Variants in ZPBP observed in about 807,000 individuals in gnomAD.
ZPBP encodes zona pellucida binding protein.
Under a neutral mutation model 44.8 loss-of-function variants are expected in ZPBP, and 26 were observed. That is an observed-to-expected ratio of 0.58 (90% confidence interval 0.43 to 0.81). ZPBP has a LOEUF of 0.81. Among genes scored for constraint, ZPBP ranks in the 30% least tolerant of loss-of-function variants. The pLI is 0.00. For synonymous variants in ZPBP, 174 were observed against 153.2 expected, an observed-to-expected ratio of 1.14 and a Z score of -1.00; for missense variants, 409 against 434.0, an observed-to-expected ratio of 0.94 and a Z score of 0.51.
chr7:49,973,808 C>T (rs1467133280), intron 7 of ZPBP, among the ~76,000 whole-genome samples: 1 of 152,032 alleles, frequency 6.6e-6, no homozygotes, highest in Admixed American at 6.6e-5. Flanking sequence ...TTCAGTAATT[C>T]CACTCCTAGG....
intron 7 of ZPBP, among the ~76,000 whole-genome samples, chr7:49,981,341 T>TA (rs1796881617): frequency 3.6e-5 from 1 of 27,824 alleles, no homozygotes; most frequent in Non-Finnish European, 5.7e-5. Flanking sequence ...TAATTATATA[T>TA]ATTATATAAT....
At chr7:49,960,020 T>A (rs991431982) in intron 7 of ZPBP, among the ~76,000 whole-genome samples, 1 of 152,242 alleles carries the variant, frequency 6.6e-6, no homozygotes, top group East Asian at 1.9e-4. Flanking sequence ...CATTAAGATA[T>A]GATATCTTTA....
chr7:49,956,426 A>T lies in ZPBP; in HGVS notation c.962-18804T>A, dbSNP rs182724589. Among the ~76,000 whole-genome samples the T allele has an allele frequency of 4.9e-4, 75 of 152,210 alleles. 1 individual carries two copies. Among genetic ancestry groups the T allele is most frequent in the African/African-American group, 1.6e-3 (67 of 41,586 alleles). On this transcript the variant is annotated intron_variant, in intron 7 of 7. Transcript: ENST00000046087. ...TCTATTTTTTGAAAAGTCTCCTAAA[A>T]TATGTAAATGTAGCAAAGTAGTAGT...
In ZPBP at chr7:50,093,093, G is replaced by A. The variant is rs761504809; in HGVS notation, c.102C>T (p.Ala34=). The change falls in exon 1 of 8, where the codon GCC becomes GCT. Residue 34 remains alanine (A), a synonymous_variant. Transcript: ENST00000046087. Reference sequence around the variant, plus strand: ...CTGATGAGGGCACCCGCACCAGGAAGGCGGAGATAAAGAGGAGGATGGCGG... The same window carrying A: ...CTGATGAGGGCACCCGCACCAGGAAAGCGGAGATAAAGAGGAGGATGGCGG... ...SRAAILLFIS[A]FLVRVPSSVG... is the part of the protein sequence containing the mutation. 6.9e-6 allele frequency: 11 copies of A among 1,600,368 alleles called. No homozygotes were observed. Among genetic ancestry groups the A allele is most frequent in the African/African-American group, 5.4e-5 (4 of 74,346 alleles).
At chr7:50,006,880 A>G (rs1798335022) in intron 6 of ZPBP, among the ~76,000 whole-genome samples, 1 of 152,050 alleles carries the variant, frequency 6.6e-6, no homozygotes, top group South Asian at 2.1e-4. Flanking sequence ...ATTTTACAGA[A>G]AGTAAAAAAA....
chr7:49,964,256 C>A (rs1795975481), intron 7 of ZPBP, among the ~76,000 whole-genome samples: 2 of 151,820 alleles, frequency 1.3e-5, no homozygotes, highest in African/African-American at 4.8e-5. Context: ...GCTATTCTCA[C>A]AATTTATATT....
Position 49,944,846 on chromosome 7 carries a change from T to TCA in ZPBP, c.962-7225_962-7224insTG, listed in dbSNP as rs1554350826. Among the ~76,000 whole-genome samples the TCA allele has an allele frequency of 5.3e-5, 8 of 151,134 alleles. No individual in the cohort carries two copies. The East Asian group carries it at 1.6e-3, about 30-fold the overall frequency. ...ATTTCATTGATTTTTGTATTTTTTT[T>TCA]ATTTCATTTATTTCTGCTCTGATCT... On this transcript the variant is annotated intron_variant, in intron 7 of 7. Transcript: ENST00000046087.
chr7:50,092,267 A>C (rs934120808), intron 1 of ZPBP, among the ~76,000 whole-genome samples: 9 of 152,214 alleles, frequency 5.9e-5, no homozygotes, highest in African/African-American at 1.9e-4. Flanking sequence ...ATAGAAGAAT[A>C]ATCTTTGGAT....
intron 6 of ZPBP, among the ~76,000 whole-genome samples, chr7:49,986,685 C>A (rs1054793831): frequency 6.6e-6 from 1 of 151,904 alleles, no homozygotes; most frequent in Non-Finnish European, 1.5e-5. Context: ...ATGCAAAAGG[C>A]TTTTTTCCTT....
At chr7:49,946,366 T>C (rs138047037) in intron 7 of ZPBP, among the ~76,000 whole-genome samples, 4 of 152,312 alleles carry the variant, frequency 2.6e-5, no homozygotes, top group African/African-American at 9.6e-5. Context: ...GCATTTCTTA[T>C]AGGCAAGGTC....
chr7:50,021,252 T>C (rs1799078669), intron 5 of ZPBP, among the ~76,000 whole-genome samples: 1 of 151,820 alleles, frequency 6.6e-6, no homozygotes, highest in South Asian at 2.1e-4. Flanking sequence ...CTCAAAGAAC[T>C]AAAGAAAACC....
intron 2 of ZPBP, among the ~76,000 whole-genome samples, chr7:49,877,154 C>G (rs1034793190): frequency 6.6e-6 from 1 of 151,832 alleles, no homozygotes; most frequent in Non-Finnish European, 1.5e-5. Flanking sequence ...GACACATAGT[C>G]TCAGTGCTCA....
chr7:49,931,293 A>T (rs1054190983), intron 1 of ZPBP, among the ~76,000 whole-genome samples: 5 of 152,266 alleles, frequency 3.3e-5, no homozygotes, highest in African/African-American at 1.2e-4. Flanking sequence ...GGTAACGGGC[A>T]GAGGTTGGGA....
rs762976137 is a variant in ZPBP, at chr7:50,031,156, A to G, written c.642T>C (p.Ser214=). The G allele has an allele frequency of 3.1e-6, 5 of 1,613,824 alleles. No individual in the cohort carries two copies. The highest frequency in any genetic ancestry group is 2.7e-5 in the African/African-American group (2 of 75,052). ...TTTGCATTTTAACGCGATGGCATTCAGACTTAAGTAAGGAAATTTCACATG... is the reference window on the plus strand; with the variant it reads ...TTTGCATTTTAACGCGATGGCATTCGGACTTAAGTAAGGAAATTTCACATG... ...DLSCEISLLK[S]ECHRVKMQRA... The change falls in exon 5 of 8, where the codon TCT becomes TCC. Residue 214 remains serine, a synonymous_variant. Transcript: ENST00000046087.
intron 4 of ZPBP, among the ~76,000 whole-genome samples, chr7:50,051,091 GA>G (rs1229645490): frequency 6.6e-6 from 1 of 150,946 alleles, no homozygotes; most frequent in Non-Finnish European, 1.5e-5. Context: ...AAATTTACAA[GA>G]AAAAAAACAA....
chr7:49,937,753 C>T, intron 7 of ZPBP, 131 bp from the exon 8 acceptor site: 1 of 740,020 alleles, frequency 1.4e-6, no homozygotes, highest in Non-Finnish European at 2.2e-6. Context: ...AACAAATCTG[C>T]AGAACTTTTT....
intron 4 of ZPBP, among the ~76,000 whole-genome samples, chr7:50,049,739 C>T (rs911374835): frequency 1.3e-5 from 2 of 151,754 alleles, no homozygotes; most frequent in African/African-American, 2.4e-5. Context: ...TAGATTATTT[C>T]CCCCTAATAT....
At chr7:50,063,659 G>A (rs923987400) in intron 3 of ZPBP, among the ~76,000 whole-genome samples, 2 of 152,052 alleles carry the variant, frequency 1.3e-5, no homozygotes, top group African/African-American at 2.4e-5. Flanking sequence ...CTGGAACATA[G>A]GCCAACTTTC....
At position 50,055,182 on chromosome 7, in the gene ZPBP, A is replaced by G. The variant is rs186293991; in HGVS notation, c.487+2807T>C. Reference sequence around the variant, plus strand: ...TGGGGGGTATGGTGTATCTGTGTGTATACACAGATCAGTGATGGATGGATG... The same window carrying G: ...TGGGGGGTATGGTGTATCTGTGTGTGTACACAGATCAGTGATGGATGGATG... On this transcript the variant is annotated intron_variant, in intron 4 of 7. Transcript: ENST00000046087. Among the ~76,000 whole-genome samples, 421 of 152,284 alleles carry G rather than the reference A, an allele frequency of 2.8e-3. 3 individuals are homozygous for G. Among genetic ancestry groups the G allele is most frequent in the African/African-American group, 9.4e-3 (391 of 41,574 alleles).
Sources: allele counts gnomAD v4.1 joint callset (sites outside exome capture counted in the v4.1 genomes callset), GRCh38; gene constraint gnomAD v4.1.1; transcripts MANE v1.5; gene names NCBI Gene and HGNC (gene_info 2026-07-23, HGNC 2026-07-21).